The following NLGN1 variants were observed in gnomAD, a reference collection of about 807,000 sequenced individuals.
NLGN1 encodes neuroligin-1.
A neutral mutation model predicts 65.5 loss-of-function variants in NLGN1; 12 were observed. That is an observed-to-expected ratio of 0.18 (90% CI 0.12 to 0.30). NLGN1 has a LOEUF of 0.30. Among genes scored for constraint, NLGN1 ranks in the 10% least tolerant of loss-of-function variants. The pLI is 1.00. For synonymous variants in NLGN1, 350 were observed against 359.5 expected (o/e 0.97, Z 0.30); for missense variants, 750 against 1,007.1 (o/e 0.74, Z 3.46).
At chr3:173,960,194 ATTAC>A (rs1020308363) in intron 4 of NLGN1, among the ~76,000 whole-genome samples, 30 of 151,886 alleles carry the variant, frequency 2.0e-4, no homozygotes, top group Non-Finnish European at 3.8e-4. Flanking sequence ...CAGTGTATTC[ATTAC>A]TTCCTACAAT....
intron 2 of NLGN1, among the ~76,000 whole-genome samples, chr3:173,521,695 T>C (rs1193781940): frequency 6.6e-6 from 1 of 152,168 alleles, no homozygotes; most frequent in African/African-American, 2.4e-5. Context: ...GTAATAATAA[T>C]AATGAAAATA....
chr3:173,708,180 A>C (rs929113168), intron 3 of NLGN1, among the ~76,000 whole-genome samples: 1 of 152,234 alleles, frequency 6.6e-6, no homozygotes, highest in Non-Finnish European at 1.5e-5. Flanking sequence ...AAATTATAAA[A>C]TAGCTACAAA....
At chr3:173,462,825 A>G (rs767591374) in intron 2 of NLGN1, among the ~76,000 whole-genome samples, 19 of 152,234 alleles carry the variant, frequency 1.2e-4, no homozygotes, top group Non-Finnish European at 2.6e-4. Context: ...GCAGGAATTG[A>G]GAACTTGACA....
chr3:173,676,580 A>G (rs990654210), intron 3 of NLGN1, among the ~76,000 whole-genome samples: 1 of 152,060 alleles, frequency 6.6e-6, no homozygotes, highest in Non-Finnish European at 1.5e-5. Flanking sequence ...CCTTTGATGT[A>G]CTTTTTGTAT....
chr3:173,826,683 A>G (rs1721399785), intron 4 of NLGN1, among the ~76,000 whole-genome samples: 1 of 152,090 alleles, frequency 6.6e-6, no homozygotes, highest in Non-Finnish European at 1.5e-5. Flanking sequence ...TAGGCTAGAT[A>G]TTGGGGATAC....
At chr3:173,871,762 G>T (rs1000564383) in intron 4 of NLGN1, among the ~76,000 whole-genome samples, 2 of 152,096 alleles carry the variant, frequency 1.3e-5, no homozygotes, top group African/African-American at 4.8e-5. Flanking sequence ...TTTTCCTCCA[G>T]TAGAATGGTC....
At chr3:174,191,236 T>C (rs1223939429) in intron 4 of NLGN1, among the ~76,000 whole-genome samples, 1 of 152,104 alleles carries the variant, frequency 6.6e-6, no homozygotes, top group Non-Finnish European at 1.5e-5. Flanking sequence ...AACAGACCTG[T>C]GTAGTGATCT....
At position 174,124,189 on chromosome 3, in the gene NLGN1, G is replaced by A. The variant is rs543109097; in HGVS notation, c.647-151126G>A. On this transcript the variant is annotated intron_variant, in intron 4 of 6. Coordinates refer to ENST00000457714, the Ensembl canonical transcript of NLGN1. ...CTTAAACTTCCCAGCCTCTAGAACT[G>A]TGTGAAAATAATTTTTGTTGTTTAA... 2.0e-5 allele frequency among the ~76,000 whole-genome samples: 3 copies of A among 152,218 alleles called. No homozygotes were observed. The East Asian group carries it at 5.8e-4, about 29-fold the overall frequency.
intron 4 of NLGN1, among the ~76,000 whole-genome samples, chr3:174,155,021 T>C (rs1725175435): frequency 7.8e-6 from 1 of 127,846 alleles, no homozygotes; most frequent in South Asian, 2.4e-4. Flanking sequence ...GATATAAATA[T>C]ATAAAATTAT....
At chr3:174,202,892 T>C (rs1355592230) in intron 4 of NLGN1, 1 of 152,214 alleles carries the variant, frequency 6.6e-6, no homozygotes, top group Non-Finnish European at 1.5e-5. Flanking sequence ...TAGTCCTCAG[T>C]GAGTGGTGAA....
chr3:173,872,163 C>T (rs143917656), intron 4 of NLGN1, among the ~76,000 whole-genome samples: 1 of 152,088 alleles, frequency 6.6e-6, no homozygotes, highest in African/African-American at 2.4e-5. Context: ...GACAGGGTAG[C>T]CAACGAAATT....
intron 1 of NLGN1, among the ~76,000 whole-genome samples, chr3:173,398,729 G>T (rs1476604527): frequency 6.6e-6 from 1 of 152,108 alleles, no homozygotes; most frequent in Non-Finnish European, 1.5e-5. Flanking sequence ...ACGTGAATTC[G>T]TATAGTTAAC....
At chr3:174,089,595 T>A (rs1744110099) in intron 4 of NLGN1, among the ~76,000 whole-genome samples, 1 of 152,192 alleles carries the variant, frequency 6.6e-6, no homozygotes. Context: ...TGTGTTTATA[T>A]GCCCTTACAG....
At chr3:174,021,168 A>C (rs1727679395) in intron 4 of NLGN1, among the ~76,000 whole-genome samples, 1 of 151,980 alleles carries the variant, frequency 6.6e-6, no homozygotes, top group South Asian at 2.1e-4. Context: ...TTAAAACAAG[A>C]TTGTGCGGAA....
intron 2 of NLGN1, among the ~76,000 whole-genome samples, chr3:173,591,860 T>C (rs933265272): frequency 2.0e-5 from 3 of 152,180 alleles, no homozygotes; most frequent in Non-Finnish European, 4.4e-5. Flanking sequence ...CATAATTAAG[T>C]TGCTTCTGGA....
At chr3:173,679,804 C>A (rs993071629) in intron 3 of NLGN1, among the ~76,000 whole-genome samples, 2 of 152,072 alleles carry the variant, frequency 1.3e-5, no homozygotes, top group Non-Finnish European at 2.9e-5. Context: ...TAATTGTTAA[C>A]CATGATAAAC....
intron 4 of NLGN1, among the ~76,000 whole-genome samples, chr3:174,205,955 C>A (rs780915447): frequency 1.2e-4 from 18 of 152,084 alleles, no homozygotes; most frequent in Non-Finnish European, 2.4e-4. Context: ...TAGGCATGGC[C>A]ACTATTATTT....
upstream of NLGN1, chr3:173,396,837 A>T (rs943133569): frequency 3.3e-5 from 5 of 151,786 alleles, no homozygotes; most frequent in Admixed American, 3.3e-4. Flanking sequence ...TGTAAACTCA[A>T]CCCTTTTCCA....
intron 4 of NLGN1, among the ~76,000 whole-genome samples, chr3:174,225,328 G>T (rs1739422309): frequency 6.6e-6 from 1 of 152,154 alleles, no homozygotes; most frequent in South Asian, 2.1e-4. Context: ...CATTTACTTT[G>T]TGTGGTAGAA....
Sources: gnomAD v4.1 joint callset for allele counts (sites outside exome capture counted in the v4.1 genomes callset) on GRCh38, gnomAD v4.1.1 for gene constraint, MANE v1.5 for transcripts, NCBI Gene and HGNC (gene_info 2026-07-23, HGNC 2026-07-21) for gene names.